DYRK1A: variants seen among roughly 807,000 people sequenced by gnomAD.
The protein encoded by DYRK1A is dual specificity tyrosine phosphorylation regulated kinase 1A, also known as dual specificity tyrosine-phosphorylation-regulated kinase 1A.
A neutral mutation model predicts 79.7 loss-of-function variants in DYRK1A; 9 were observed. The ratio of observed to expected loss-of-function variants is 0.11; its 90% confidence interval spans 0.07 to 0.20. The LOEUF is 0.20. Ranked by LOEUF, DYRK1A falls within the 10% of genes least tolerant of loss-of-function variation. DYRK1A has a pLI of 1.00. For synonymous variants in DYRK1A, 349 were observed against 329.7 expected (o/e 1.06, Z -0.63); for missense variants, 622 against 956.0 (o/e 0.65, Z 4.61).
In DYRK1A at chr21:37,465,886, G is replaced by A. The variant is rs966202448; in HGVS notation, c.11-6798G>A. Among the ~76,000 whole-genome samples the A allele has an allele frequency of 3.9e-5, 6 of 152,166 alleles. No homozygotes were observed. The East Asian group carries it at 1.2e-3, about 29-fold the overall frequency. On this transcript the variant is annotated intron_variant, in intron 2 of 11. Coordinates refer to ENST00000647188, the MANE Select transcript of DYRK1A (RefSeq NM_001347721.2). ...TTTCAAGCTCTACTGAATCAGAACCGTCATTTTTAAAAAGATTGAAAAACA... is the reference window on the plus strand; with the variant it reads ...TTTCAAGCTCTACTGAATCAGAACCATCATTTTTAAAAAGATTGAAAAACA...
intron 9 of DYRK1A, 92 bp downstream of exon 9, chr21:37,496,350 G>A (rs2053269136): frequency 7.6e-7 from 1 of 1,317,062 alleles, no homozygotes; most frequent in Non-Finnish European, 1.0e-6. Context: ...CTTGAAATCA[G>A]TGTGTTTCAG....
Position 37,517,945 on chromosome 21 carries a change from G to GTTTGGTGGTGTGATTGCGC in DYRK1A, c.*5431_*5432insGCTTTGGTGGTGTGATTGC, listed in dbSNP as rs1374299678. On this transcript the variant is annotated 3_prime_UTR_variant, in exon 12 of 12. Transcript: ENST00000647188. The stretch of plus-strand genomic sequence containing the variant: ...GTCTGGCTTTGTCACGCAAGCTGGA[G>GTTTGGTGGTGTGATTGCGC]TTTGGTGGTGTGATTGCAGCTCACT... 2 of 152,208 alleles carry GTTTGGTGGTGTGATTGCGC rather than the reference G, an allele frequency of 1.3e-5. No homozygotes were observed. Among genetic ancestry groups the GTTTGGTGGTGTGATTGCGC allele is most frequent in the East Asian group, 3.8e-4 (2 of 5,196 alleles). 9.4% of individuals were successfully genotyped at this position (152,208 alleles called of 1,614,324 possible). A position where few individuals can be genotyped will look rare whatever the true frequency, so the allele number is the denominator to read the frequency against.
At chr21:37,369,695 A>T (rs1019807230) in intron 1 of DYRK1A, among the ~76,000 whole-genome samples, 1 of 152,198 alleles carries the variant, frequency 6.6e-6, no homozygotes, top group African/African-American at 2.4e-5. Context: ...ACTCCTTTTT[A>T]CCTGGTGGGT....
intron 2 of DYRK1A, among the ~76,000 whole-genome samples, chr21:37,442,591 CTTCT>C (rs1005051330): frequency 1.4e-4 from 21 of 152,130 alleles, no homozygotes; most frequent in Non-Finnish European, 2.8e-4. Flanking sequence ...ATCTCCTCCT[CTTCT>C]TTCTTTTTTT....
intron 2 of DYRK1A, among the ~76,000 whole-genome samples, chr21:37,445,111 C>T (rs1375174562): frequency 6.6e-6 from 1 of 152,168 alleles, no homozygotes; most frequent in African/African-American, 2.4e-5. Context: ...CTCCTAGGCA[C>T]AGGATGGTGC....
At chr21:37,441,703 A>G (rs2051108834) in intron 2 of DYRK1A, among the ~76,000 whole-genome samples, 1 of 152,124 alleles carries the variant, frequency 6.6e-6, no homozygotes, top group East Asian at 1.9e-4. Flanking sequence ...ACTTTAAAAT[A>G]GATTTTGTTT....
rs1056614258 is a variant in DYRK1A, at chr21:37,510,763, G to A, written c.1645-1148G>A. Among the ~76,000 whole-genome samples the A allele has an allele frequency of 6.6e-5, 10 of 151,930 alleles. 1 individual carries two copies. The highest frequency in any genetic ancestry group is 6.6e-4 in the Admixed American group (10 of 15,218). Reference sequence around the variant, plus strand: ...GCCTACTTGTCTACTGTGTCCAGCAGGCAGAAGGACTTGGGAGGTATTATC... The same window carrying A: ...GCCTACTTGTCTACTGTGTCCAGCAAGCAGAAGGACTTGGGAGGTATTATC... On this transcript the variant is annotated intron_variant, in intron 11 of 11. Coordinates refer to ENST00000647188, the MANE Select transcript of DYRK1A (RefSeq NM_001347721.2).
intron 1 of DYRK1A, among the ~76,000 whole-genome samples, chr21:37,376,250 C>A (rs1191960374): frequency 1.3e-5 from 2 of 152,166 alleles, no homozygotes; most frequent in African/African-American, 4.8e-5. Context: ...TGGCTCATGC[C>A]TGTAATCGCA....
Position 37,516,049 on chromosome 21 carries a change from G to GT in DYRK1A, c.*3521dup, listed in dbSNP as rs2053877519. 1 of 152,192 alleles carries GT rather than the reference G, an allele frequency of 6.6e-6. No homozygotes were observed. Among genetic ancestry groups the GT allele is most frequent in the South Asian group, 2.1e-4 (1 of 4,822 alleles). The allele number at this position is 152,192 out of a possible 1,614,324, so 9.4% of individuals were successfully genotyped here. On this transcript the variant is annotated 3_prime_UTR_variant, in exon 12 of 12. Coordinates refer to ENST00000647188, the MANE Select transcript of DYRK1A (RefSeq NM_001347721.2). ...CACTCAGTTCTAGGCCAGTTTCTCAGTTTCCTTTGGGCCTGCCTTTATTTT... is the reference window on the plus strand; with the variant it reads ...CACTCAGTTCTAGGCCAGTTTCTCAGTTTTCCTTTGGGCCTGCCTTTATTTT...
At chr21:37,433,042 T>TAAA (rs5843828) in intron 2 of DYRK1A, among the ~76,000 whole-genome samples, 1 of 139,202 alleles carries the variant, frequency 7.2e-6, no homozygotes, top group Admixed American at 7.0e-5. Flanking sequence ...CTAGGAATTC[T>TAAA]AAATATATAT....
At chr21:37,407,613 G>A (rs2050172276) in intron 1 of DYRK1A, among the ~76,000 whole-genome samples, 1 of 152,126 alleles carries the variant, frequency 6.6e-6, no homozygotes. Context: ...ATAAAGGAAC[G>A]ATTTGAATTA....
At chr21:37,484,076 C>G (rs2052759332) in intron 5 of DYRK1A, among the ~76,000 whole-genome samples, 1 of 152,180 alleles carries the variant, frequency 6.6e-6, no homozygotes, top group Non-Finnish European at 1.5e-5. Flanking sequence ...CCCGTCAGAT[C>G]AGCAGCAGCG....
At chr21:37,476,187 C>T (rs1182158780) in intron 3 of DYRK1A, among the ~76,000 whole-genome samples, 1 of 152,120 alleles carries the variant, frequency 6.6e-6, no homozygotes, top group Non-Finnish European at 1.5e-5. Flanking sequence ...TTTTCCTGTT[C>T]TTTAACTGGC....
intron 2 of DYRK1A, among the ~76,000 whole-genome samples, chr21:37,431,432 G>A (rs1384979487): frequency 1.3e-5 from 2 of 152,184 alleles, no homozygotes; most frequent in Non-Finnish European, 2.9e-5. Context: ...GTTGCCCATT[G>A]GAGATGAGGC....
At chr21:37,479,606 G>T (rs377581212) in intron 4 of DYRK1A, among the ~76,000 whole-genome samples, 1,136 of 27,414 alleles carry the variant, frequency 0.041, 25 homozygotes, top group African/African-American at 0.15. Flanking sequence ...TTTTGTTTTT[G>T]TTTTTGTTTT....
At chr21:37,395,241 TA>T (rs533563342) in intron 1 of DYRK1A, among the ~76,000 whole-genome samples, 153 of 152,344 alleles carry the variant, frequency 1.0e-3, no homozygotes, top group Middle Eastern at 3.4e-3. Flanking sequence ...AGGTTTAACC[TA>T]ACTAGGCTAA....
At chr21:37,461,613 G>C in intron 2 of DYRK1A, among the ~76,000 whole-genome samples, 1 of 152,120 alleles carries the variant, frequency 6.6e-6, no homozygotes, top group East Asian at 1.9e-4. Context: ...AAAGTATTTT[G>C]CCTTCGTTTT....
chr21:37,442,015 C>CT (rs1321104490), intron 2 of DYRK1A, among the ~76,000 whole-genome samples: 1 of 149,108 alleles, frequency 6.7e-6, no homozygotes, highest in African/African-American at 2.5e-5. Flanking sequence ...CTAAATGACA[C>CT]TTTTTTCTTT....
chr21:37,479,873 C>T (rs1172336510), intron 4 of DYRK1A, among the ~76,000 whole-genome samples: 4 of 151,918 alleles, frequency 2.6e-5, no homozygotes, highest in Non-Finnish European at 4.4e-5. Flanking sequence ...GTGATCCACC[C>T]TCCTCGGCCT....
Sources: gnomAD v4.1 joint callset for allele counts (sites outside exome capture counted in the v4.1 genomes callset) on GRCh38, gnomAD v4.1.1 for gene constraint, MANE v1.5 for transcripts, NCBI Gene and HGNC (gene_info 2026-07-23, HGNC 2026-07-21) for gene names.